The following PPP1R17 variants were observed in gnomAD, a reference collection of about 807,000 sequenced individuals.
The protein encoded by PPP1R17 is G-substrate.
PPP1R17 carries 12 observed loss-of-function variants against 15.9 expected under a neutral mutation model. The ratio of observed to expected loss-of-function variants is 0.75; its 90% CI spans 0.48 to 1.22. The LOEUF (loss-of-function observed/expected upper bound fraction) is 1.22, where lower values mean the gene tolerates loss of function less well. Among genes scored for constraint, PPP1R17 ranks in the 50% most tolerant of loss-of-function variants. The probability of loss-of-function intolerance (pLI) is 0.00; values close to 1 mark genes in which losing one functional copy is unlikely to be tolerated. For missense variants in PPP1R17, 211 were observed against 187.3 expected (o/e 1.13, Z -0.74); for synonymous variants, 63 against 64.5 (o/e 0.98, Z 0.11).
chr7:31,688,407 T>C (rs1792197979), intron 1 of PPP1R17, among the ~76,000 whole-genome samples: 1 of 152,192 alleles, frequency 6.6e-6, no homozygotes. Flanking sequence ...CACATCCAAC[T>C]GAGAAAACCG....
At position 31,706,422 on chromosome 7, in the gene PPP1R17, A is replaced by T. The variant is rs563711586; in HGVS notation, c.389-782A>T. On this transcript the variant is annotated intron_variant, in intron 4 of 4. Transcript: ENST00000342032. ...AACATCTCTAAAATTTCATAAAAGA[A>T]AGGATATTTTAATCCCCAAAAGAAG... 3.9e-5 allele frequency among the ~76,000 whole-genome samples: 6 copies of T among 152,356 alleles called. No individual in the cohort carries two copies. In the East Asian group the frequency reaches 1.2e-3, roughly 29 times the overall value.
intron 4 of PPP1R17, 66 bp from the exon 5 acceptor site, chr7:31,707,138 G>C (rs1793101054): frequency 2.1e-6 from 3 of 1,454,760 alleles, no homozygotes; most frequent in Non-Finnish European, 2.9e-6. Context: ...TACTGTGTCT[G>C]TCTGCAACGT....
At chr7:31,694,955 C>T (rs534337598) in intron 2 of PPP1R17, among the ~76,000 whole-genome samples, 1 of 152,078 alleles carries the variant, frequency 6.6e-6, no homozygotes, top group Admixed American at 6.6e-5. Context: ...AAGACAAATA[C>T]AAAACCCAAG....
intron 2 of PPP1R17, 82 bp from the exon 3 acceptor site, chr7:31,695,387 G>A: frequency 7.7e-7 from 1 of 1,301,108 alleles, no homozygotes; most frequent in Non-Finnish European, 1.1e-6. Flanking sequence ...CTGTCATCAA[G>A]TGCAATTAGG....
chr7:31,694,794 G>C (rs547249335), intron 2 of PPP1R17, among the ~76,000 whole-genome samples: 1 of 152,230 alleles, frequency 6.6e-6, no homozygotes, highest in African/African-American at 2.4e-5. Flanking sequence ...TACCCGTAAC[G>C]ACTTCTGATA....
chr7:31,698,755 G>C (rs1311601213), intron 4 of PPP1R17, among the ~76,000 whole-genome samples: 2 of 152,200 alleles, frequency 1.3e-5, no homozygotes, highest in African/African-American at 4.8e-5. Flanking sequence ...AATAAATCTA[G>C]TTAGATGAAG....
intron 2 of PPP1R17, among the ~76,000 whole-genome samples, chr7:31,693,849 A>G (rs1240333473): frequency 6.6e-6 from 1 of 152,224 alleles, no homozygotes; most frequent in Admixed American, 6.5e-5. Context: ...ATGAAAGGGA[A>G]GGGAAGGAGC....
At chr7:31,691,964 AAATT>A (rs1792373556) in intron 1 of PPP1R17, among the ~76,000 whole-genome samples, 1 of 152,176 alleles carries the variant, frequency 6.6e-6, no homozygotes, top group African/African-American at 2.4e-5. Flanking sequence ...ATGTGTGACT[AAATT>A]AATTAAATTT....
rs539459990 is a variant in PPP1R17 at position 31,696,081 on chromosome 7, A to T, written c.235+460A>T. The T allele has an allele frequency of 1.7e-3, 263 of 152,944 alleles. 2 individuals are homozygous for T. The highest frequency in any genetic ancestry group is 6.1e-3 in the African/African-American group (254 of 41,592). The allele number at this position is 152,944 out of a possible 1,614,324, so 9.5% of individuals were successfully genotyped here. A position where few individuals can be genotyped will look rare whatever the true frequency, so the allele number is the denominator to read the frequency against. ...ACGAGGCCTCACCAGACAATGAGGT[A>T]AGCTGGGAAATGAACCCAGCTCAAT... On this transcript the variant is annotated intron_variant, in intron 3 of 4. Coordinates refer to ENST00000342032, the MANE Select transcript of PPP1R17 (RefSeq NM_006658.5).
chr7:31,692,116 G>T (rs896976234), intron 1 of PPP1R17, among the ~76,000 whole-genome samples: 2 of 152,160 alleles, frequency 1.3e-5, no homozygotes, highest in African/African-American at 4.8e-5. Context: ...CTTGACAATT[G>T]CTTATTCTGA....
chr7:31,697,936 A>T (rs1048364657), intron 4 of PPP1R17, among the ~76,000 whole-genome samples: 1 of 152,226 alleles, frequency 6.6e-6, no homozygotes, highest in Non-Finnish European at 1.5e-5. Context: ...TACAATTGAT[A>T]GATAGATGGC....
chr7:31,688,332 G>A (rs770082983), intron 1 of PPP1R17, among the ~76,000 whole-genome samples: 2 of 152,164 alleles, frequency 1.3e-5, no homozygotes, highest in African/African-American at 2.4e-5. Context: ...ACCTTATATT[G>A]ACTCACAGCA....
At chr7:31,700,392 T>A (rs1307359365) in intron 4 of PPP1R17, among the ~76,000 whole-genome samples, 1 of 152,086 alleles carries the variant, frequency 6.6e-6, no homozygotes, top group Non-Finnish European at 1.5e-5. Context: ...ATATGAAGGT[T>A]GAGAGAGGGG....
At chr7:31,694,737 G>A (rs1199662119) in intron 2 of PPP1R17, among the ~76,000 whole-genome samples, 2 of 152,190 alleles carry the variant, frequency 1.3e-5, no homozygotes, top group African/African-American at 4.8e-5. Context: ...GTAAGAGGGA[G>A]CAGAGGAGAG....
intron 2 of PPP1R17, among the ~76,000 whole-genome samples, chr7:31,693,032 T>C (rs532561745): frequency 1.5e-4 from 17 of 115,044 alleles, no homozygotes; most frequent in Middle Eastern, 4.5e-3. Context: ...ACCAGAAACA[T>C]TTCTGCCGCT....
rs1793121169 is a variant in PPP1R17, at chr7:31,707,472, A to T, written c.*189A>T. ...CTTTGTCTCTCTCTTCTTTCTGAGT[A>T]TGGTTTCTATTCTGTGTTTTGAATT... On this transcript the variant is annotated 3_prime_UTR_variant, in exon 5 of 5. Coordinates refer to ENST00000342032, the MANE Select transcript of PPP1R17 (RefSeq NM_006658.5). 1 of 576,378 alleles carries T rather than the reference A, an allele frequency of 1.7e-6. No individual in the cohort carries two copies. Among genetic ancestry groups the T allele is most frequent in the Non-Finnish European group, 3.1e-6 (1 of 325,996 alleles). 35.7% of individuals were successfully genotyped at this position (576,378 alleles called of 1,614,324 possible).
chr7:31,693,920 C>T (rs2128239846), intron 2 of PPP1R17, among the ~76,000 whole-genome samples: 1 of 152,244 alleles, frequency 6.6e-6, no homozygotes, highest in Non-Finnish European at 1.5e-5. Flanking sequence ...TAGATCTAGC[C>T]AAACTATATC....
intron 4 of PPP1R17, among the ~76,000 whole-genome samples, chr7:31,701,043 A>C (rs1289966739): frequency 6.6e-6 from 1 of 151,374 alleles, no homozygotes; most frequent in Non-Finnish European, 1.5e-5. Context: ...CCCTGGATTG[A>C]GGAGTTACTT....
chr7:31,695,701 T>C (rs79503171), intron 3 of PPP1R17, 80 bp downstream of exon 3: 135,903 of 1,419,614 alleles, frequency 0.096, 7,178 homozygotes, highest in Non-Finnish European at 0.11. Flanking sequence ...CATTTTTCCT[T>C]AAATATTCAG....
Sources: allele counts gnomAD v4.1 joint callset (sites outside exome capture counted in the v4.1 genomes callset), GRCh38; gene constraint gnomAD v4.1.1; transcripts MANE v1.5; gene names NCBI Gene and HGNC (gene_info 2026-07-23, HGNC 2026-07-21).